The following USP6NL variants were observed in gnomAD, a reference collection of about 807,000 sequenced individuals.
USP6NL encodes the protein USP6 N-terminal-like protein.
Under a neutral mutation model 61.9 loss-of-function variants are expected in USP6NL, and 26 were observed. The observed-to-expected ratio is 0.42, with a 90% CI of 0.31 to 0.58. USP6NL has a LOEUF of 0.58. Ranked by LOEUF, USP6NL falls within the 20% of genes least tolerant of loss-of-function variation. The probability of loss-of-function intolerance (pLI) is 0.16; values close to 1 mark genes in which losing one functional copy is unlikely to be tolerated. For missense variants in USP6NL, 1,114 were observed against 1,034.3 expected, an observed-to-expected ratio of 1.08 and a Z score of -1.06; for synonymous variants, 432 against 390.1, an observed-to-expected ratio of 1.11 and a Z score of -1.27.
chr10:11,569,770 G>C (rs1275513266), intron 2 of USP6NL, among the ~76,000 whole-genome samples: 1 of 152,200 alleles, frequency 6.6e-6, no homozygotes, highest in African/African-American at 2.4e-5. Flanking sequence ...GGTTAAGCCT[G>C]AATTCTAGGT....
At chr10:11,573,642 T>C (rs1195697332) in intron 2 of USP6NL, 1 of 398,962 alleles carries the variant, frequency 2.5e-6, no homozygotes, top group Non-Finnish European at 4.4e-6. Flanking sequence ...CTTGATGGTG[T>C]CACCAGCTCC....
At chr10:11,529,659 G>A (rs1039599673) in intron 2 of USP6NL, among the ~76,000 whole-genome samples, 3 of 152,186 alleles carry the variant, frequency 2.0e-5, no homozygotes, top group Admixed American at 1.3e-4. Context: ...TTTTCACCAT[G>A]AATTAATGCA....
chr10:11,499,967 G>A lies in USP6NL; in HGVS notation c.384+1134C>T, dbSNP rs540544998. Among the ~76,000 whole-genome samples the A allele has an allele frequency of 1.3e-5, 2 of 152,300 alleles. No homozygotes were observed. Among genetic ancestry groups the A allele is most frequent in the African/African-American group, 4.8e-5 (2 of 41,554 alleles). On this transcript the variant is annotated intron_variant, in intron 7 of 14. Transcript: ENST00000609104. The surrounding 1 kb of genome is among the most constrained non-coding windows in gnomAD (Gnocchi z 4.5). ...ATATGCTAGGCACACTGTACTAGGTGCTGGGGTTATATTTCATATTATGTT... is the reference window on the plus strand; with the variant it reads ...ATATGCTAGGCACACTGTACTAGGTACTGGGGTTATATTTCATATTATGTT...
intron 7 of USP6NL, among the ~76,000 whole-genome samples, chr10:11,498,509 G>A (rs1834042717): frequency 6.6e-6 from 1 of 151,796 alleles, no homozygotes. Flanking sequence ...ACCTAGCCTC[G>A]CTAAGCTCAG....
chr10:11,481,682 C>G lies in USP6NL; in HGVS notation c.1078+88G>C. Reference sequence around the variant, plus strand: ...TGTCATCACAAGTATAATGCTTACGCTGTGGGCAAGAAACAGCCCATGTTA... The same window carrying G: ...TGTCATCACAAGTATAATGCTTACGGTGTGGGCAAGAAACAGCCCATGTTA... On this transcript the variant is annotated intron_variant, in intron 14 of 14. Transcript: ENST00000609104. The surrounding 1 kb of genome is among the most constrained non-coding windows in gnomAD (Gnocchi z 4.4). The G allele has an allele frequency of 2.2e-6, 3 of 1,378,996 alleles. No homozygotes were observed. Among genetic ancestry groups the G allele is most frequent in the Non-Finnish European group, 2.9e-6 (3 of 1,031,910 alleles). The allele number at this position is 1,378,996 out of a possible 1,614,324, so 85.4% of individuals were successfully genotyped here.
chr10:11,592,695 A>G lies in USP6NL; in HGVS notation c.4+4936T>C, dbSNP rs1319537915. On this transcript the variant is annotated intron_variant, in intron 2 of 14. Transcript: ENST00000609104. The surrounding 1 kb of genome is among the most constrained non-coding windows in gnomAD (Gnocchi z 4.7). Reference sequence around the variant, plus strand: ...GAAGCATGCAGCTATTCCACAAAACAGTTTATCTATCTAGATAGGCTACTG... The same window carrying G: ...GAAGCATGCAGCTATTCCACAAAACGGTTTATCTATCTAGATAGGCTACTG... Among the ~76,000 whole-genome samples, 1 of 152,212 alleles carries G rather than the reference A, an allele frequency of 6.6e-6. No homozygotes were observed. The highest frequency in any genetic ancestry group is 1.5e-5 in the Non-Finnish European group (1 of 68,040).
intron 2 of USP6NL, among the ~76,000 whole-genome samples, chr10:11,549,383 T>G (rs1566173946): frequency 6.6e-6 from 1 of 152,170 alleles, no homozygotes; most frequent in South Asian, 2.1e-4. Flanking sequence ...GAATCCAAAA[T>G]AAGTTTTTGA....
chr10:11,463,879 T>C lies in USP6NL; in HGVS notation c.1079-30A>G, dbSNP rs192309060. 1,644 of 1,454,206 alleles carry C rather than the reference T, an allele frequency of 1.1e-3. No homozygotes were observed. The highest frequency in any genetic ancestry group is 1.2e-3 in the Non-Finnish European group (1,345 of 1,100,960). The allele number at this position is 1,454,206 out of a possible 1,614,324, so 90.1% of individuals were successfully genotyped here. A position where few individuals can be genotyped will look rare whatever the true frequency, so the allele number is the denominator to read the frequency against. ...AAAGAAAGAGAAAGGCTAAGTAAGA[T>C]AATACACGAGTAAACAGTAGCCAGT... On this transcript the variant is annotated intron_variant, in intron 14 of 14. Transcript: ENST00000609104. This position sits in a 1 kb window ranked among gnomAD's most constrained non-coding sequence, Gnocchi z 6.3.
At chr10:11,607,814 C>T (rs951705911) in intron 1 of USP6NL, among the ~76,000 whole-genome samples, 3 of 152,090 alleles carry the variant, frequency 2.0e-5, no homozygotes, top group African/African-American at 4.8e-5. Flanking sequence ...TAAAATGTTA[C>T]TTTAAATTTT....
intron 6 of USP6NL, among the ~76,000 whole-genome samples, chr10:11,501,409 G>C (rs973039551): frequency 6.6e-6 from 1 of 152,198 alleles, no homozygotes; most frequent in Non-Finnish European, 1.5e-5. Flanking sequence ...CAAAGAAGGA[G>C]AGAGTATAAC....
chr10:11,555,222 C>A (rs564570232), intron 2 of USP6NL, among the ~76,000 whole-genome samples: 1 of 146,734 alleles, frequency 6.8e-6, no homozygotes, highest in Non-Finnish European at 1.5e-5. Context: ...TTGACACCGG[C>A]CTGGCCAACA....
rs1833319635 is a variant in USP6NL, at chr10:11,483,615, GGGGGGGAGAA to G, written c.925+1346_925+1355del. ...GAGAGGGGGAGGGGGGAGGGGGAGA[GGGGGGGAGAA>G]GGGGAGGGAGAGGGGGAGGGGGAGA... is the stretch of plus-strand genomic sequence containing the variant. On this transcript the variant is annotated intron_variant, in intron 13 of 14. Transcript: ENST00000609104. Among the ~76,000 whole-genome samples, 42 of 20,938 alleles carry G rather than the reference GGGGGGGAGAA, an allele frequency of 2.0e-3. No homozygotes were observed. In the South Asian group the frequency reaches 0.031, roughly 16 times the overall value. The allele number at this position is 20,938 out of a possible 152,430, so 13.7% of individuals were successfully genotyped here.
At chr10:11,522,682 A>AGGT in intron 4 of USP6NL, among the ~76,000 whole-genome samples, 1 of 152,252 alleles carries the variant, frequency 6.6e-6, no homozygotes, top group Non-Finnish European at 1.5e-5. Flanking sequence ...TTTATTTTTT[A>AGGT]AAAAGCGGTG....
rs544717268 is a variant in USP6NL, at chr10:11,539,719, T to C, written c.5-12152A>G. Among the ~76,000 whole-genome samples, 9 of 152,340 alleles carry C rather than the reference T, an allele frequency of 5.9e-5. No homozygotes were observed. The Middle Eastern group carries it at 0.01, about 173-fold the overall frequency. On this transcript the variant is annotated intron_variant, in intron 2 of 14. Coordinates refer to ENST00000609104, the MANE Select transcript of USP6NL (RefSeq NM_014688.5). Reference sequence around the variant, plus strand: ...TATATTTTAGCTGCTTTTGCAGCAGTATGATTGTTTTAACAGATGACACAA... The same window carrying C: ...TATATTTTAGCTGCTTTTGCAGCAGCATGATTGTTTTAACAGATGACACAA...
At position 11,513,897 on chromosome 10, in the gene USP6NL, T is replaced by C. The variant is rs1834837591; in HGVS notation, c.196-4222A>G. On this transcript the variant is annotated intron_variant, in intron 5 of 14. Coordinates refer to ENST00000609104, the MANE Select transcript of USP6NL (RefSeq NM_014688.5). The surrounding 1 kb of genome is among the most constrained non-coding windows in gnomAD (Gnocchi z 4.7). ...CCCAAAGTGCCTTGGCCTTTGTCTC[T>C]GATGACACTGATGTTTTGAAAAGTC... Among the ~76,000 whole-genome samples, 1 of 152,186 alleles carries C rather than the reference T, an allele frequency of 6.6e-6. No individual in the cohort carries two copies. Among genetic ancestry groups the C allele is most frequent in the Non-Finnish European group, 1.5e-5 (1 of 68,028 alleles).
rs965895755 is a variant in USP6NL at position 11,474,327 on chromosome 10, T to C, written c.1078+7443A>G. 6.6e-6 allele frequency among the ~76,000 whole-genome samples: 1 copy of C among 152,184 alleles called. No individual in the cohort carries two copies. The highest frequency in any genetic ancestry group is 1.5e-5 in the Non-Finnish European group (1 of 68,038). ...CTTTAGATTTTAAACTTATAAAGAG[T>C]ATACTGAAACAAAAGACTTAAGGTT... is the stretch of plus-strand genomic sequence containing the variant. On this transcript the variant is annotated intron_variant, in intron 14 of 14. Transcript: ENST00000609104. This position sits in a 1 kb window ranked among gnomAD's most constrained non-coding sequence, Gnocchi z 4.9.
intron 5 of USP6NL, 42 bp from the exon 6 acceptor site, chr10:11,509,717 T>C: frequency 6.8e-7 from 1 of 1,479,076 alleles, no homozygotes; most frequent in Non-Finnish European, 9.2e-7. Context: ...TGTTCGTTTC[T>C]TTACTTATGA....
At chr10:11,546,434 A>ATCTG (rs1836273621) in intron 2 of USP6NL, among the ~76,000 whole-genome samples, 1 of 152,068 alleles carries the variant, frequency 6.6e-6, no homozygotes, top group Non-Finnish European at 1.5e-5. Flanking sequence ...CGGAGTCTTG[A>ATCTG]TCTGTCGCCC....
At chr10:11,610,327 T>C (rs577152041) in intron 1 of USP6NL, among the ~76,000 whole-genome samples, 1 of 152,210 alleles carries the variant, frequency 6.6e-6, no homozygotes, top group Non-Finnish European at 1.5e-5. Context: ...AGGGTCTGAC[T>C]GAACCAGAAA....
Sources: allele counts gnomAD v4.1 joint callset (sites outside exome capture counted in the v4.1 genomes callset), GRCh38; gene constraint gnomAD v4.1.1; non-coding constraint Gnocchi (gnomAD v3.1); transcripts MANE v1.5; gene names NCBI Gene and HGNC (gene_info 2026-07-23, HGNC 2026-07-21).